The following TRPM6 variants were observed in gnomAD, a reference collection of about 807,000 sequenced individuals.
TRPM6 encodes transient receptor potential cation channel subfamily M member 6, also known as channel kinase 2.
In TRPM6, 111 loss-of-function variants were observed where a neutral mutation model predicts 247.6. The ratio of observed to expected loss-of-function variants is 0.45; its 90% CI spans 0.38 to 0.52. TRPM6 has a LOEUF of 0.52. Among genes scored for constraint, TRPM6 ranks in the 20% least tolerant of loss-of-function variants. The probability of loss-of-function intolerance (pLI) is 0.00; values close to 1 mark genes in which losing one functional copy is unlikely to be tolerated. For missense variants in TRPM6, 2,126 were observed against 2,421.5 expected (o/e 0.88, Z 2.56); for synonymous variants, 892 against 853.8 (o/e 1.04, Z -0.78).
At chr9:74,814,808 G>C (rs1347043270) in intron 11 of TRPM6, among the ~76,000 whole-genome samples, 1 of 152,038 alleles carries the variant, frequency 6.6e-6, no homozygotes, top group Non-Finnish European at 1.5e-5. Context: ...AATTAGCCTG[G>C]TGTAGTGGCA....
intron 3 of TRPM6, among the ~76,000 whole-genome samples, chr9:74,853,969 A>G (rs1830447532): frequency 6.6e-6 from 1 of 152,232 alleles, no homozygotes; most frequent in Non-Finnish European, 1.5e-5. Context: ...AGATATCAAG[A>G]CATATATTAC....
intron 4 of TRPM6, among the ~76,000 whole-genome samples, chr9:74,840,543 G>A (rs113607577): frequency 6.6e-6 from 1 of 152,266 alleles, no homozygotes; most frequent in East Asian, 1.9e-4. Context: ...GGCAGGGTGC[G>A]GTGGCTCACG....
At chr9:74,729,298 C>T (rs568328378) in intron 37 of TRPM6, among the ~76,000 whole-genome samples, 99 of 152,210 alleles carry the variant, frequency 6.5e-4, no homozygotes, top group Non-Finnish European at 1.2e-3. Flanking sequence ...CAATAAACTT[C>T]GCTTCTAAGG....
chr9:74,768,241 T>A (rs1826895183), intron 25 of TRPM6, among the ~76,000 whole-genome samples: 1 of 152,216 alleles, frequency 6.6e-6, no homozygotes, highest in African/African-American at 2.4e-5. Context: ...GAGTTTCTCT[T>A]TGCCCATTAC....
chr9:74,808,651 T>C (rs77010859), intron 13 of TRPM6, among the ~76,000 whole-genome samples: 4,172 of 152,336 alleles, frequency 0.027, 184 homozygotes, highest in African/African-American at 0.092. Context: ...ACACTGAATG[T>C]GTGTGATCCA....
At chr9:74,827,715 G>A (rs1829390725) in intron 7 of TRPM6, 63 bp downstream of exon 7, 2 of 1,541,350 alleles carry the variant, frequency 1.3e-6, no homozygotes, top group East Asian at 4.5e-5. Context: ...GGTCAGGGAA[G>A]ACCATGAAAG....
chr9:74,727,487 C>T (rs975167771), intron 38 of TRPM6, among the ~76,000 whole-genome samples: 12 of 151,500 alleles, frequency 7.9e-5, no homozygotes, highest in Admixed American at 5.9e-4. Context: ...ACTTCAAATT[C>T]GGGGTATGAT....
At chr9:74,739,692 T>C (rs745638435) in intron 34 of TRPM6, 31 bp downstream of exon 34, 188 of 1,608,152 alleles carry the variant, frequency 1.2e-4, no homozygotes, top group Non-Finnish European at 1.6e-4. Flanking sequence ...CTTGTCCCTC[T>C]GGGCTATGGG....
At chr9:74,732,542 T>A (rs1282089289) in intron 37 of TRPM6, 143 bp downstream of exon 37, 11 of 572,736 alleles carry the variant, frequency 1.9e-5, no homozygotes, top group Non-Finnish European at 1.9e-5. Context: ...TATAATCTTA[T>A]TGTTTTTGGT....
intron 6 of TRPM6, among the ~76,000 whole-genome samples, chr9:74,829,068 G>A (rs776570613): frequency 5.3e-5 from 8 of 152,208 alleles, no homozygotes; most frequent in African/African-American, 9.6e-5. Flanking sequence ...CGAAGCTAGC[G>A]GATCAGTTGA....
intron 12 of TRPM6, among the ~76,000 whole-genome samples, chr9:74,811,161 C>T (rs1828716321): frequency 1.3e-5 from 2 of 152,146 alleles, no homozygotes; most frequent in African/African-American, 2.4e-5. Context: ...CATACAATTA[C>T]AAATCCTATC....
chr9:74,860,916 G>T (rs1011296706), intron 1 of TRPM6, among the ~76,000 whole-genome samples: 8 of 152,024 alleles, frequency 5.3e-5, no homozygotes, highest in African/African-American at 1.7e-4. Context: ...CAGCAACCCA[G>T]AAGGCTGAGG....
rs375797671 is a variant in TRPM6 at position 74,762,971 on chromosome 9, C to T, written c.3700G>A (p.Asp1234Asn). 5.6e-5 allele frequency: 90 copies of T among 1,610,024 alleles called. No homozygotes were observed. The highest frequency in any genetic ancestry group is 2.8e-5 in the Non-Finnish European group (33 of 1,177,148). ...TTTCTCTTGGCCAGGAGAGCCTCAT[C>T]CTCTTGCAAAGTGTCAACAGCAGAA... ...VLSAVDTLQEDEALLAKRKHS... is the reference protein window; with the variant it reads ...VLSAVDTLQENEALLAKRKHS... The change falls in exon 26 of 39, where the codon GAT becomes AAT. Residue 1234 changes from aspartate (D) to asparagine (N), a missense_variant. Asp to Asn is a conservative substitution (Grantham distance 23). This residue lies in a region of TRPM6 where 717 missense variants were observed against 715.9 expected (regional missense o/e 1.00). Coordinates refer to ENST00000360774, the MANE Select transcript of TRPM6 (RefSeq NM_017662.5).
chr9:74,782,473 C>A lies in TRPM6; in HGVS notation c.3098G>T (p.Cys1033Phe). The part of the protein sequence containing the change: ...GEVYAGEIDV[C>F]SSQPSCPPGS... ...AGGAGGGCAGGATGGCTGGCTTGAA[C>A]AAACTACAAATAAAGAATTTTAAAA... Residue 1033 changes from cysteine to phenylalanine, a missense_variant, in exon 23 of 39, where the codon TGT (cysteine) becomes TTT (phenylalanine). Physicochemically the swap from Cys to Phe is radical, Grantham distance 205 (BLOSUM62 -2). Transcript: ENST00000360774. The A allele has an allele frequency of 6.2e-7, 1 of 1,611,594 alleles. No individual in the cohort carries two copies. Among genetic ancestry groups the A allele is most frequent in the Non-Finnish European group, 8.5e-7 (1 of 1,177,904 alleles).
At chr9:74,817,943 G>A (rs947733819) in intron 9 of TRPM6, among the ~76,000 whole-genome samples, 1 of 152,118 alleles carries the variant, frequency 6.6e-6, no homozygotes, top group Non-Finnish European at 1.5e-5. Flanking sequence ...AAAATGAGAG[G>A]AACCTGTTGA....
Position 74,771,804 on chromosome 9 carries a change from T to C in TRPM6, c.3435A>G (p.Lys1145=). 1.2e-6 allele frequency: 2 copies of C among 1,613,818 alleles called. No individual in the cohort carries two copies. The highest frequency in any genetic ancestry group is 1.7e-6 in the Non-Finnish European group (2 of 1,179,822). Residue 1145 remains lysine, a synonymous_variant, in exon 25 of 39, where the codon AAA becomes AAG. Coordinates refer to ENST00000360774, the MANE Select transcript of TRPM6 (RefSeq NM_017662.5). ...KLYLSKEDLK[K]LHDFEEQCVE... ...CGCACTGCTCCTCAAAATCATGAAG[T>C]TTTTTCAGATCCTCCTTACTGAGGT...
intron 33 of TRPM6, among the ~76,000 whole-genome samples, chr9:74,741,762 C>T (rs565230929): frequency 4.2e-4 from 64 of 151,924 alleles, no homozygotes; most frequent in Non-Finnish European, 7.8e-4. Context: ...TGGTGGTGCA[C>T]GCCTGTAATC....
intron 3 of TRPM6, among the ~76,000 whole-genome samples, chr9:74,845,287 A>C (rs1222218770): frequency 6.6e-6 from 1 of 152,222 alleles, no homozygotes; most frequent in Non-Finnish European, 1.5e-5. Flanking sequence ...GTAAAGCACA[A>C]TAAAGTAACA....
intron 33 of TRPM6, among the ~76,000 whole-genome samples, chr9:74,740,951 C>T (rs1825846025): frequency 6.6e-6 from 1 of 151,932 alleles, no homozygotes; most frequent in Non-Finnish European, 1.5e-5. Context: ...AATGTCATAC[C>T]CCAGAGCCTC....
Sources: allele counts gnomAD v4.1 joint callset (sites outside exome capture counted in the v4.1 genomes callset), GRCh38; gene constraint gnomAD v4.1.1; regional missense constraint gnomAD v4.1.1; transcripts MANE v1.5; gene names NCBI Gene and HGNC (gene_info 2026-07-23, HGNC 2026-07-21).